The following LUZP2 variants were observed in gnomAD, a reference collection of about 807,000 sequenced individuals.
The protein encoded by LUZP2 is leucine zipper protein 2.
Under a neutral mutation model 51.6 loss-of-function variants are expected in LUZP2, and 52 were observed. The observed-to-expected ratio is 1.01, with a 90% CI of 0.81 to 1.27. The LOEUF (loss-of-function observed/expected upper bound fraction) is 1.27, where lower values mean the gene tolerates loss of function less well. LUZP2 is among the 50% of genes most tolerant of loss of function. LUZP2 has a pLI of 0.00. For missense variants in LUZP2, 436 were observed against 395.4 expected, an observed-to-expected ratio of 1.10 and a Z score of -0.87; for synonymous variants, 154 against 137.3, an observed-to-expected ratio of 1.12 and a Z score of -0.85.
chr11:24,654,564 G>A (rs1468829144), intron 1 of LUZP2, among the ~76,000 whole-genome samples: 3 of 151,964 alleles, frequency 2.0e-5, no homozygotes, highest in Admixed American at 6.6e-5. Flanking sequence ...GCACAGTGGC[G>A]CGATCTCTGC....
At chr11:24,999,906 G>T (rs568537846) in intron 9 of LUZP2, among the ~76,000 whole-genome samples, 2 of 152,194 alleles carry the variant, frequency 1.3e-5, no homozygotes, top group South Asian at 4.1e-4. Context: ...GATTTATTGT[G>T]AAGAGTGAAA....
At chr11:24,696,988 G>A (rs1301722172) in intron 1 of LUZP2, among the ~76,000 whole-genome samples, 2 of 152,056 alleles carry the variant, frequency 1.3e-5, no homozygotes, top group Admixed American at 6.6e-5. Flanking sequence ...CTTGGGTTTG[G>A]TAAAGATTAG....
chr11:24,967,752 C>A (rs572000014), intron 7 of LUZP2, among the ~76,000 whole-genome samples: 2 of 152,070 alleles, frequency 1.3e-5, no homozygotes, highest in South Asian at 2.1e-4. Context: ...AAGATTTCCT[C>A]TTTTGTCAAG....
intron 1 of LUZP2, among the ~76,000 whole-genome samples, chr11:24,554,248 T>C (rs1399737495): frequency 2.0e-5 from 3 of 152,148 alleles, no homozygotes; most frequent in African/African-American, 7.2e-5. Context: ...GTTCTAAGAA[T>C]ACATGTATGA....
intron 1 of LUZP2, among the ~76,000 whole-genome samples, chr11:24,662,644 A>G (rs1856060391): frequency 6.6e-6 from 1 of 152,152 alleles, no homozygotes; most frequent in South Asian, 2.1e-4. Flanking sequence ...CTTAATCTTC[A>G]TAAATTAAGA....
At chr11:24,586,658 G>C (rs1853077502) in intron 1 of LUZP2, among the ~76,000 whole-genome samples, 1 of 151,916 alleles carries the variant, frequency 6.6e-6, no homozygotes, top group African/African-American at 2.4e-5. Flanking sequence ...ATTAAGTTTA[G>C]GTACTCCATT....
chr11:24,669,382 ATAAAT>A (rs751396814), intron 1 of LUZP2, among the ~76,000 whole-genome samples: 24 of 152,256 alleles, frequency 1.6e-4, no homozygotes, highest in Non-Finnish European at 2.6e-4. Context: ...GGAATAAAAA[ATAAAT>A]TCTGTCTGGG....
chr11:24,742,491 G>C (rs547097420), intron 4 of LUZP2, among the ~76,000 whole-genome samples: 3 of 151,950 alleles, frequency 2.0e-5, no homozygotes, highest in Admixed American at 6.6e-5. Context: ...TTTGCAATTT[G>C]TATATCTTCT....
intron 1 of LUZP2, among the ~76,000 whole-genome samples, chr11:24,559,103 A>G (rs1451410682): frequency 2.0e-5 from 3 of 152,218 alleles, no homozygotes; most frequent in Non-Finnish European, 4.4e-5. Context: ...TGTAGATTAC[A>G]TTTGACCACT....
intron 1 of LUZP2, among the ~76,000 whole-genome samples, chr11:24,654,496 A>G (rs1475937942): frequency 6.6e-6 from 1 of 151,902 alleles, no homozygotes; most frequent in African/African-American, 2.4e-5. Context: ...GCTCACTGCA[A>G]CTTCCACCCC....
chr11:24,923,668 G>A (rs978233626), intron 7 of LUZP2, among the ~76,000 whole-genome samples: 4 of 152,070 alleles, frequency 2.6e-5, no homozygotes, highest in African/African-American at 9.7e-5. Context: ...CTGCACTCCA[G>A]CCTGGCACAG....
At chr11:24,904,529 C>T (rs895163300) in intron 5 of LUZP2, among the ~76,000 whole-genome samples, 33 of 152,104 alleles carry the variant, frequency 2.2e-4, no homozygotes, top group African/African-American at 7.2e-4. Context: ...GTGATCCACC[C>T]GCCTCAGCCT....
intron 1 of LUZP2, among the ~76,000 whole-genome samples, chr11:24,714,887 T>A (rs142920388): frequency 1.3e-5 from 2 of 152,198 alleles, no homozygotes; most frequent in Non-Finnish European, 2.9e-5. Flanking sequence ...CAGAAAGCTG[T>A]GCCCTTGCCA....
chr11:24,519,040 G>C (rs370090665), intron 1 of LUZP2, among the ~76,000 whole-genome samples: 14 of 152,264 alleles, frequency 9.2e-5, no homozygotes, highest in African/African-American at 3.4e-4. Context: ...GGGTTTTCTG[G>C]AACTGAGTAC....
chr11:24,764,210 C>A (rs1023738582), intron 5 of LUZP2, among the ~76,000 whole-genome samples: 2 of 151,998 alleles, frequency 1.3e-5, no homozygotes, highest in African/African-American at 4.8e-5. Flanking sequence ...CGTGCGTGGG[C>A]GCGTACACAC....
At chr11:24,669,157 T>C (rs1022189796) in intron 1 of LUZP2, among the ~76,000 whole-genome samples, 3 of 152,178 alleles carry the variant, frequency 2.0e-5, no homozygotes, top group Admixed American at 6.5e-5. Context: ...AAAATGTTCT[T>C]TTTACTTTAA....
intron 5 of LUZP2, among the ~76,000 whole-genome samples, chr11:24,833,694 G>A (rs904436824): frequency 1.0e-4 from 10 of 98,310 alleles, no homozygotes; most frequent in African/African-American, 3.5e-4. Flanking sequence ...CGTCCCCCAC[G>A]CCTGCCACCG....
At chr11:24,601,549 C>T (rs970622054) in intron 1 of LUZP2, among the ~76,000 whole-genome samples, 4 of 151,788 alleles carry the variant, frequency 2.6e-5, no homozygotes, top group Non-Finnish European at 5.9e-5. Context: ...TAAACAAATA[C>T]ATTTCTAATG....
rs1351620044 is a variant in LUZP2, at chr11:24,715,304, T to TGTGTGC, written c.63-13862_63-13861insTGCGTG. 3.2e-3 allele frequency among the ~76,000 whole-genome samples: 219 copies of TGTGTGC among 67,754 alleles called. 2 individuals carry two copies. Among genetic ancestry groups the TGTGTGC allele is most frequent in the South Asian group, 0.01 (26 of 2,536 alleles). The allele number at this position is 67,754 out of a possible 152,430, so 44.4% of individuals were successfully genotyped here. ...GTGTGTGTGTGTGTGTGTGTGTGTG[T>TGTGTGC]GTGCATGCGTATTTCTAAATATATC... On this transcript the variant is annotated intron_variant, in intron 1 of 11. Transcript: ENST00000336930.
Sources: gnomAD v4.1 joint callset for allele counts (sites outside exome capture counted in the v4.1 genomes callset) on GRCh38, gnomAD v4.1.1 for gene constraint, MANE v1.5 for transcripts, NCBI Gene and HGNC (gene_info 2026-07-23, HGNC 2026-07-21) for gene names.